The following UBE2O variants were observed in gnomAD, a reference collection of about 807,000 sequenced individuals.
UBE2O encodes the protein ubiquitin conjugating enzyme E2 O, also known as (E3-independent) E2 ubiquitin-conjugating enzyme.
In UBE2O, 15 loss-of-function variants were observed where a neutral mutation model predicts 125.8. That is an observed-to-expected ratio of 0.12 (90% CI 0.08 to 0.18). The LOEUF (loss-of-function observed/expected upper bound fraction) is 0.18, where lower values mean the gene tolerates loss of function less well. Ranked by LOEUF, UBE2O falls within the 10% of genes least tolerant of loss-of-function variation. UBE2O has a pLI of 1.00. For synonymous variants in UBE2O, 708 were observed against 703.2 expected (o/e 1.01, Z -0.11); for missense variants, 1,280 against 1,723.6 (o/e 0.74, Z 4.56).
At position 76,453,041 on chromosome 17, in the gene UBE2O, G is replaced by C; in HGVS notation, c.101C>G (p.Pro34Arg). ...CGAGTCCGAGGCGGGCGCCGGCGCCGGGACGGGGGCTGCGGCTGGGGCCGG... is the reference window on the plus strand; with the variant it reads ...CGAGTCCGAGGCGGGCGCCGGCGCCCGGACGGGGGCTGCGGCTGGGGCCGG... ...AVPAPAAAPV[P>R]APAPASDSAS... Residue 34 changes from proline to arginine, a missense_variant, in exon 1 of 18, where the codon CCG becomes CGG. Physicochemically the swap from Pro to Arg is moderately radical, Grantham distance 103. Coordinates refer to ENST00000319380, the MANE Select transcript of UBE2O (RefSeq NM_022066.4). 7.1e-7 allele frequency: 1 copy of C among 1,417,104 alleles called. No individual in the cohort carries two copies. Among genetic ancestry groups the C allele is most frequent in the Non-Finnish European group, 9.2e-7 (1 of 1,083,268 alleles). The allele number at this position is 1,417,104 out of a possible 1,614,324, so 87.8% of individuals were successfully genotyped here.
chr17:76,417,450 G>A (rs1228696569), intron 1 of UBE2O, among the ~76,000 whole-genome samples: 1 of 152,224 alleles, frequency 6.6e-6, no homozygotes, highest in African/African-American at 2.4e-5. Context: ...ACAGTGAGGG[G>A]ATTTTAGATA....
Position 76,453,125 on chromosome 17 carries a change from G to A in UBE2O, c.17C>T (p.Ala6Val), listed in dbSNP as rs2073289126. Reference protein sequence around the residue: MADPAAPTPAAPAPAQ... With the variant: MADPAVPTPAAPAPAQ... Reference sequence around the variant, plus strand: ...TGGAGCGGGAGCTGCGGGCGTGGGGGCTGCGGGATCCGCCATAACTGCTCT... The same window carrying A: ...TGGAGCGGGAGCTGCGGGCGTGGGGACTGCGGGATCCGCCATAACTGCTCT... Residue 6 changes from alanine (A) to valine (V), a missense_variant, in exon 1 of 18, where the codon GCC becomes GTC. This residue lies in a region of UBE2O where 188 missense variants were observed against 192.5 expected (regional missense o/e 0.98). Transcript: ENST00000319380. 2.7e-6 allele frequency: 2 copies of A among 743,184 alleles called. No individual in the cohort carries two copies. The highest frequency in any genetic ancestry group is 3.7e-5 in the South Asian group (1 of 27,322). 46.0% of individuals were successfully genotyped at this position (743,184 alleles called of 1,614,324 possible).
chr17:76,396,669 C>A lies in UBE2O; in HGVS notation c.2268G>T (p.Glu756Asp). ...GLVEDEHPKI[E>D]EPPIPPLEQP... is the part of the protein sequence containing the mutation. ...GCTCCAGGGGTGGGATGGGGGGCTCCTCTATCTTGGGGTGCTCGTCCTCCA... is the reference window on the plus strand; with the variant it reads ...GCTCCAGGGGTGGGATGGGGGGCTCATCTATCTTGGGGTGCTCGTCCTCCA... Residue 756 changes from glutamate to aspartate, a missense_variant, in exon 14 of 18, where the codon GAG becomes GAT. By Grantham distance (45) the Glu-to-Asp change is conservative. This residue lies in a region of UBE2O where 210 missense variants were observed against 268.9 expected (regional missense o/e 0.78). Transcript: ENST00000319380. The surrounding 1 kb of genome is among the most constrained non-coding windows in gnomAD (Gnocchi z 6.7). The A allele has an allele frequency of 6.2e-7, 1 of 1,613,720 alleles. No homozygotes were observed. Among genetic ancestry groups the A allele is most frequent in the Non-Finnish European group, 8.5e-7 (1 of 1,179,990 alleles).
rs1261337999 is a variant in UBE2O at position 76,395,647 on chromosome 17, GGAC to G, written c.2946+75_2946+77del. ...GTGCCAGTCAGCCCCGGAGGTTTGG[GGAC>G]CCAAGGTTGGTGGCCTCTTGGGCAC... On this transcript the variant is annotated intron_variant, in intron 15 of 17. Coordinates refer to ENST00000319380, the MANE Select transcript of UBE2O (RefSeq NM_022066.4). The surrounding 1 kb of genome is among the most constrained non-coding windows in gnomAD (Gnocchi z 5.0). 3 of 1,527,438 alleles carry G rather than the reference GGAC, an allele frequency of 2.0e-6. No homozygotes were observed. Among genetic ancestry groups the G allele is most frequent in the Non-Finnish European group, 2.6e-6 (3 of 1,139,488 alleles). The allele number at this position is 1,527,438 out of a possible 1,614,324, so 94.6% of individuals were successfully genotyped here.
At chr17:76,436,337 A>G (rs1320623301) in intron 1 of UBE2O, among the ~76,000 whole-genome samples, 1 of 152,196 alleles carries the variant, frequency 6.6e-6, no homozygotes, top group Admixed American at 6.5e-5. Flanking sequence ...CCCGAGTGGT[A>G]GAATTATGGG....
In UBE2O at chr17:76,405,761, G is replaced by A. The variant is rs866882945; in HGVS notation, c.418-189C>T. On this transcript the variant is annotated intron_variant, in intron 1 of 17. Coordinates refer to ENST00000319380, the MANE Select transcript of UBE2O (RefSeq NM_022066.4). This position sits in a 1 kb window ranked among gnomAD's most constrained non-coding sequence, Gnocchi z 6.1. ...GCACCCAGACCCACAGGCAGAGCGC[G>A]TCACGCCCACAGGCCTCCTGGGGCC... is the stretch of plus-strand genomic sequence containing the variant. 2.0e-5 allele frequency among the ~76,000 whole-genome samples: 3 copies of A among 152,124 alleles called. No individual in the cohort carries two copies. Among genetic ancestry groups the A allele is most frequent in the Non-Finnish European group, 2.9e-5 (2 of 68,012 alleles).
chr17:76,397,153 C>T (rs1242558697), intron 13 of UBE2O, among the ~76,000 whole-genome samples: 3 of 152,194 alleles, frequency 2.0e-5, no homozygotes, highest in Non-Finnish European at 2.9e-5. Context: ...ACCTGAAAAG[C>T]GCAGGGTCAG....
Position 76,435,403 on chromosome 17 carries a change from C to T in UBE2O, c.417+17322G>A, listed in dbSNP as rs1005688541. Reference sequence around the variant, plus strand: ...TATTATCTGTTTAAATATACAGATACACACACACACACATACACACACACA... The same window carrying T: ...TATTATCTGTTTAAATATACAGATATACACACACACACATACACACACACA... On this transcript the variant is annotated intron_variant, in intron 1 of 17. Coordinates refer to ENST00000319380, the MANE Select transcript of UBE2O (RefSeq NM_022066.4). Among the ~76,000 whole-genome samples, 2 of 60,250 alleles carry T rather than the reference C, an allele frequency of 3.3e-5. 1 individual carries two copies. Among genetic ancestry groups the T allele is most frequent in the Non-Finnish European group, 8.1e-5 (2 of 24,778 alleles). The allele number at this position is 60,250 out of a possible 152,430, so 39.5% of individuals were successfully genotyped here.
At position 76,402,234 on chromosome 17, in the gene UBE2O, C is replaced by T. The variant is rs141379339; in HGVS notation, c.687-107G>A. 2.3e-4 allele frequency: 227 copies of T among 985,942 alleles called. No homozygotes were observed. In the East Asian group the frequency reaches 5.1e-3, roughly 22 times the overall value. 61.1% of individuals were successfully genotyped at this position (985,942 alleles called of 1,614,324 possible). A position where few individuals can be genotyped will look rare whatever the true frequency, so the allele number is the denominator to read the frequency against. The stretch of plus-strand genomic sequence containing the variant: ...CCCACATGCCCTAAATAGCACAATT[C>T]GTCTTCTACCATCAACTCAGCCCGA... On this transcript the variant is annotated intron_variant, in intron 4 of 17. Coordinates refer to ENST00000319380, the MANE Select transcript of UBE2O (RefSeq NM_022066.4). The surrounding 1 kb of genome is among the most constrained non-coding windows in gnomAD (Gnocchi z 5.4).
intron 1 of UBE2O, among the ~76,000 whole-genome samples, chr17:76,448,422 T>C (rs1357767092): frequency 2.6e-5 from 4 of 152,156 alleles, no homozygotes; most frequent in African/African-American, 9.7e-5. Context: ...TACACCTAAA[T>C]AGCTTTCCCC....
At position 76,389,957 on chromosome 17, in the gene UBE2O, T is replaced by C. The variant is rs748750993; in HGVS notation, c.*986A>G. On this transcript the variant is annotated 3_prime_UTR_variant, in exon 18 of 18. Coordinates refer to ENST00000319380, the MANE Select transcript of UBE2O (RefSeq NM_022066.4). ...TCACATTATCAAAAGCTTAGAAAAC[T>C]TGTAAACCTCTGGGCCTGTCTCTGG... 2.0e-5 allele frequency: 3 copies of C among 152,556 alleles called. No homozygotes were observed. Among genetic ancestry groups the C allele is most frequent in the Admixed American group, 6.5e-5 (1 of 15,286 alleles). The allele number at this position is 152,556 out of a possible 1,614,324, so 9.5% of individuals were successfully genotyped here.
chr17:76,423,072 C>T (rs755346888), intron 1 of UBE2O, among the ~76,000 whole-genome samples: 4 of 152,158 alleles, frequency 2.6e-5, no homozygotes, highest in Admixed American at 2.0e-4. Flanking sequence ...TCCCCAATGG[C>T]GGGGCCTGGA....
chr17:76,449,777 G>A (rs996034671), intron 1 of UBE2O, among the ~76,000 whole-genome samples: 11 of 151,918 alleles, frequency 7.2e-5, no homozygotes, highest in Middle Eastern at 6.4e-3. Context: ...AAAATTAGCC[G>A]GGCGTGATGG....
chr17:76,444,543 A>G (rs2073124939), intron 1 of UBE2O, among the ~76,000 whole-genome samples: 1 of 152,242 alleles, frequency 6.6e-6, no homozygotes, highest in Non-Finnish European at 1.5e-5. Context: ...ATGGATCAAA[A>G]TGAGGACAAG....
Position 76,452,733 on chromosome 17 carries a change from C to T in UBE2O, c.409G>A (p.Glu137Lys). 2 of 1,484,516 alleles carry T rather than the reference C, an allele frequency of 1.3e-6. No individual in the cohort carries two copies. Among genetic ancestry groups the T allele is most frequent in the Non-Finnish European group, 1.8e-6 (2 of 1,127,210 alleles). 92.0% of individuals were successfully genotyped at this position (1,484,516 alleles called of 1,614,324 possible). A position where few individuals can be genotyped will look rare whatever the true frequency, so the allele number is the denominator to read the frequency against. Residue 137 changes from glutamate to lysine, a missense_variant, in exon 1 of 18, where the codon GAG becomes AAG. This residue lies in a region of UBE2O where 188 missense variants were observed against 192.5 expected (regional missense o/e 0.98). Transcript: ENST00000319380. This position sits in a 1 kb window ranked among gnomAD's most constrained non-coding sequence, Gnocchi z 4.4. Reference protein sequence around the residue: ...YPEGVKQHVKETKLKLEDRSV... With the variant: ...YPEGVKQHVKKTKLKLEDRSV... ...GCCCCCGCCCGCCGCACCTTGGTCT[C>T]CTTCACATGCTGCTTGACGCCCTCC...
At chr17:76,451,453 C>T (rs1218067724) in intron 1 of UBE2O, among the ~76,000 whole-genome samples, 1 of 152,098 alleles carries the variant, frequency 6.6e-6, no homozygotes, top group African/African-American at 2.4e-5. Flanking sequence ...TATGTGCATC[C>T]CCAACAAAAA....
intron 1 of UBE2O, among the ~76,000 whole-genome samples, chr17:76,449,793 G>A (rs2073206691): frequency 6.6e-6 from 1 of 152,068 alleles, no homozygotes; most frequent in Admixed American, 6.5e-5. Flanking sequence ...GATGGCGTAT[G>A]CCTGTAATCC....
intron 15 of UBE2O, among the ~76,000 whole-genome samples, chr17:76,394,332 A>G (rs1240606751): frequency 2.0e-5 from 3 of 152,254 alleles, no homozygotes; most frequent in Non-Finnish European, 4.4e-5. Context: ...TGCGGAGTCA[A>G]CAAGGTGGCA....
rs1239409649 is a variant in UBE2O, at chr17:76,410,498, G to A, written c.418-4926C>T. Among the ~76,000 whole-genome samples the A allele has an allele frequency of 1.3e-5, 2 of 152,190 alleles. No homozygotes were observed. Among genetic ancestry groups the A allele is most frequent in the East Asian group, 3.8e-4 (2 of 5,198 alleles). On this transcript the variant is annotated intron_variant, in intron 1 of 17. Transcript: ENST00000319380. This position sits in a 1 kb window ranked among gnomAD's most constrained non-coding sequence, Gnocchi z 4.0. The stretch of plus-strand genomic sequence containing the variant: ...CGCAGTGCCACAGCTGAGAAGCCCT[G>A]AAGGTGCTCTGGAGACGCAGGTGCT...
Sources: gnomAD v4.1 joint callset for allele counts (sites outside exome capture counted in the v4.1 genomes callset) on GRCh38, gnomAD v4.1.1 for gene constraint, gnomAD v4.1.1 regional missense constraint, Gnocchi (gnomAD v3.1) non-coding constraint, MANE v1.5 for transcripts, NCBI Gene and HGNC (gene_info 2026-07-23, HGNC 2026-07-21) for gene names.